Variants in HLTF observed in about 807,000 individuals in gnomAD.
HLTF encodes the protein helicase like transcription factor.
HLTF carries 127 observed loss-of-function variants against 129.4 expected under a neutral mutation model. The ratio of observed to expected loss-of-function variants is 0.98; its 90% CI spans 0.85 to 1.14. The LOEUF (loss-of-function observed/expected upper bound fraction) is 1.14. HLTF is among the 50% of genes most tolerant of loss of function. HLTF has a pLI of 0.00. For synonymous variants in HLTF, 332 were observed against 388.8 expected (o/e 0.85, Z 1.72); for missense variants, 1,139 against 1,187.1 (o/e 0.96, Z 0.60).
In HLTF at chr3:149,075,793, C is replaced by T. The variant is rs1215584251; in HGVS notation, c.395+88G>A. The T allele has an allele frequency of 9.4e-5, 73 of 778,790 alleles. 1 individual carries two copies. In the East Asian group the frequency reaches 1.8e-3, roughly 19 times the overall value. The allele number at this position is 778,790 out of a possible 1,614,324, so 48.2% of individuals were successfully genotyped here. A position where few individuals can be genotyped will look rare whatever the true frequency, so the allele number is the denominator to read the frequency against. ...TACAGTGATAGAAATTGTTAGCATA[C>T]CTTTATAGGCTCTAACAAGAAGCCC... On this transcript the variant is annotated intron_variant, in intron 3 of 24. Coordinates refer to ENST00000310053, the MANE Select transcript of HLTF (RefSeq NM_003071.4).
Position 149,080,186 on chromosome 3 carries a change from G to A in HLTF, c.229-4139C>T, listed in dbSNP as rs972341514. On this transcript the variant is annotated intron_variant, in intron 2 of 24. Transcript: ENST00000310053. ...GACTGATTCATGGTTGCCAGGGACT[G>A]AGGGGTAGAGATAATGGGAGTGACT... Among the ~76,000 whole-genome samples the A allele has an allele frequency of 5.3e-5, 8 of 152,296 alleles. No individual in the cohort carries two copies. In the East Asian group the frequency reaches 5.8e-4, roughly 11 times the overall value.
intron 15 of HLTF, among the ~76,000 whole-genome samples, chr3:149,049,878 G>C (rs540566304): frequency 6.6e-6 from 1 of 152,162 alleles, no homozygotes; most frequent in South Asian, 2.1e-4. Flanking sequence ...TGTAATCCCA[G>C]CTACTTGGGA....
intron 23 of HLTF, among the ~76,000 whole-genome samples, chr3:149,036,121 C>G (rs970714598): frequency 6.6e-6 from 1 of 150,446 alleles, no homozygotes; most frequent in Non-Finnish European, 1.5e-5. Context: ...GGCGACAGAG[C>G]GAGACTACAT....
intron 4 of HLTF, among the ~76,000 whole-genome samples, chr3:149,073,687 C>T (rs1719070340): frequency 6.6e-6 from 1 of 152,146 alleles, no homozygotes; most frequent in Non-Finnish European, 1.5e-5. Flanking sequence ...CAGAGCAAGA[C>T]TCTGTCTCAA....
At chr3:149,078,974 G>A (rs1277246806) in intron 2 of HLTF, among the ~76,000 whole-genome samples, 1 of 152,048 alleles carries the variant, frequency 6.6e-6, no homozygotes, top group Non-Finnish European at 1.5e-5. Flanking sequence ...GAGTCAAAAG[G>A]TACAATAACT....
chr3:149,077,501 C>T (rs2108061704), intron 2 of HLTF, among the ~76,000 whole-genome samples: 1 of 151,984 alleles, frequency 6.6e-6, no homozygotes, highest in South Asian at 2.1e-4. Context: ...TTTGTCAAAA[C>T]AATTTTACAG....
At chr3:149,072,301 C>G (rs1488950896) in intron 5 of HLTF, among the ~76,000 whole-genome samples, 1 of 152,096 alleles carries the variant, frequency 6.6e-6, no homozygotes, top group African/African-American at 2.4e-5. Flanking sequence ...TGTCTTATTC[C>G]TATAAAATGA....
At chr3:149,069,687 G>A (rs749634860) in intron 7 of HLTF, among the ~76,000 whole-genome samples, 1 of 152,084 alleles carries the variant, frequency 6.6e-6, no homozygotes, top group African/African-American at 2.4e-5. Context: ...CTTTTTTCAT[G>A]CGACACCATT....
intron 12 of HLTF, 48 bp from the exon 13 acceptor site, chr3:149,059,855 T>G (rs767212196): frequency 8.6e-7 from 1 of 1,160,686 alleles, no homozygotes; most frequent in South Asian, 1.3e-5. Flanking sequence ...TTATCTCCTG[T>G]GCTAGAGTAC....
At chr3:149,032,977 A>T (rs112727652) in intron 24 of HLTF, among the ~76,000 whole-genome samples, 1 of 68,146 alleles carries the variant, frequency 1.5e-5, no homozygotes, top group Non-Finnish European at 3.0e-5. Flanking sequence ...AAAAAAAAAA[A>T]CAAAAAACTA....
chr3:149,064,355 T>C (rs1337756315), intron 9 of HLTF, among the ~76,000 whole-genome samples: 1 of 152,200 alleles, frequency 6.6e-6, no homozygotes, highest in East Asian at 1.9e-4. Context: ...TTTATGAGGG[T>C]CATTTAAGTA....
chr3:149,041,319 G>A (rs1716116551), intron 20 of HLTF, among the ~76,000 whole-genome samples, 171 bp downstream of exon 20: 1 of 152,016 alleles, frequency 6.6e-6, no homozygotes, highest in Non-Finnish European at 1.5e-5. Context: ...TTTTTATGTT[G>A]CAAATGTTGC....
chr3:149,039,638 T>C lies in HLTF; in HGVS notation c.2558A>G (p.Lys853Arg). The change falls in exon 22 of 25, where the codon AAA becomes AGA. Residue 853 changes from lysine to arginine, a missense_variant. Transcript: ENST00000310053. ...TDLRKKNPNI[K>R]SLVVSQFTTF... ...TGTAAACTGAGAAACAACCAAACTT[T>C]TTATGTTGGGATTCTTCTTTCTTAA... is the stretch of plus-strand genomic sequence containing the variant. 6.2e-7 allele frequency: 1 copy of C among 1,608,418 alleles called. No homozygotes were observed. Among genetic ancestry groups the C allele is most frequent in the Non-Finnish European group, 8.5e-7 (1 of 1,177,384 alleles).
Position 149,084,717 on chromosome 3 carries a change from C to G in HLTF, c.193G>C (p.Gly65Arg). ...VDSVLFGSLR[G>R]HVVGLRYYTG... ...TAATAGCGTAGTCCAACCACATGAC[C>G]TCTCAAACTTCCAAATAAAACGGAA... is the stretch of plus-strand genomic sequence containing the variant. The change falls in exon 2 of 25, where the codon GGT becomes CGT. Residue 65 changes from glycine to arginine, a missense_variant. Physicochemically the swap from Gly to Arg is moderately radical, Grantham distance 125. Transcript: ENST00000310053. 2 of 1,613,894 alleles carry G rather than the reference C, an allele frequency of 1.2e-6. No homozygotes were observed. The highest frequency in any genetic ancestry group is 1.7e-6 in the Non-Finnish European group (2 of 1,179,824).
Position 149,084,868 on chromosome 3 carries a change from C to A in HLTF, c.42G>T (p.Leu14Phe). The part of the protein sequence containing the change: ...MFKRDPVWKY[L>F]QTVQYGVHGN... Reference sequence around the variant, plus strand: ...CATGAACTCCATACTGGACAGTCTGCAAGTACTTCCAAACTGGATCCCTAT... The same window carrying A: ...CATGAACTCCATACTGGACAGTCTGAAAGTACTTCCAAACTGGATCCCTAT... The change falls in exon 2 of 25, where the codon TTG becomes TTT. Residue 14 changes from leucine to phenylalanine, a missense_variant. By Grantham distance (22) the Leu-to-Phe change is conservative. Coordinates refer to ENST00000310053, the MANE Select transcript of HLTF (RefSeq NM_003071.4). 2 of 1,613,056 alleles carry A rather than the reference C, an allele frequency of 1.2e-6. No homozygotes were observed. The highest frequency in any genetic ancestry group is 1.7e-6 in the Non-Finnish European group (2 of 1,179,420).
chr3:149,039,750 T>C (rs970744754), intron 21 of HLTF, 57 bp from the exon 22 acceptor site: 1 of 922,510 alleles, frequency 1.1e-6, no homozygotes, highest in African/African-American at 1.7e-5. Context: ...AAAATTAGTC[T>C]AAAAGTTTTT....
chr3:149,053,271 G>A (rs1265408861), intron 14 of HLTF, among the ~76,000 whole-genome samples: 2 of 152,206 alleles, frequency 1.3e-5, no homozygotes, highest in Non-Finnish European at 2.9e-5. Flanking sequence ...GAGGGGCCTG[G>A]AGGTGGAAGG....
chr3:149,031,518 T>G lies in HLTF; in HGVS notation c.*702A>C, dbSNP rs979546998. On this transcript the variant is annotated 3_prime_UTR_variant, in exon 25 of 25. Transcript: ENST00000310053. ...TGCCTCTCACTCCCACAGACTATAT[T>G]TATACCTCAGACACAGCAAGTTACA... 6.6e-6 allele frequency: 1 copy of G among 152,596 alleles called. No homozygotes were observed. The highest frequency in any genetic ancestry group is 2.4e-5 in the African/African-American group (1 of 41,448). The allele number at this position is 152,596 out of a possible 1,614,324, so 9.5% of individuals were successfully genotyped here.
chr3:149,054,141 C>T (rs779989896), intron 14 of HLTF, among the ~76,000 whole-genome samples: 23 of 152,078 alleles, frequency 1.5e-4, no homozygotes, highest in Non-Finnish European at 2.8e-4. Flanking sequence ...ATTAAACTAT[C>T]ACAAGTAGTC....
Sources: gnomAD v4.1 joint callset for allele counts (sites outside exome capture counted in the v4.1 genomes callset) on GRCh38, gnomAD v4.1.1 for gene constraint, MANE v1.5 for transcripts, NCBI Gene and HGNC (gene_info 2026-07-23, HGNC 2026-07-21) for gene names.